NHEJ1: variants seen among roughly 807,000 people sequenced by gnomAD.
The protein encoded by NHEJ1 is non-homologous end-joining factor 1.
In NHEJ1, 22 loss-of-function variants were observed where a neutral mutation model predicts 39.4. The observed-to-expected ratio is 0.56, with a 90% CI of 0.40 to 0.80. The LOEUF (loss-of-function observed/expected upper bound fraction) is 0.80, where lower values mean the gene tolerates loss of function less well. NHEJ1 is among the 30% of genes least tolerant of loss of function. The probability of loss-of-function intolerance (pLI) is 0.00; values close to 1 mark genes in which losing one functional copy is unlikely to be tolerated. For missense variants in NHEJ1, 329 were observed against 357.1 expected (o/e 0.92, Z 0.63); for synonymous variants, 154 against 135.6 (o/e 1.14, Z -0.94).
intron 5 of NHEJ1, among the ~76,000 whole-genome samples, chr2:219,138,463 C>T (rs938860072): frequency 1.3e-5 from 2 of 152,188 alleles, no homozygotes; most frequent in African/African-American, 2.4e-5. Flanking sequence ...TGATTATTTG[C>T]TGGCCTATTC....
At chr2:219,123,709 G>A (rs138993446) in intron 5 of NHEJ1, among the ~76,000 whole-genome samples, 21 of 151,772 alleles carry the variant, frequency 1.4e-4, no homozygotes, top group African/African-American at 4.8e-4. Flanking sequence ...TACTCCTCTA[G>A]CCTGATCCTA....
chr2:219,094,151 A>C (rs1559189193), intron 5 of NHEJ1, among the ~76,000 whole-genome samples: 1 of 152,168 alleles, frequency 6.6e-6, no homozygotes, highest in Non-Finnish European at 1.5e-5. Context: ...TGCCTAACCC[A>C]TGGCTGGGGT....
At chr2:219,108,923 A>T (rs1157197284) in intron 5 of NHEJ1, among the ~76,000 whole-genome samples, 1 of 152,232 alleles carries the variant, frequency 6.6e-6, no homozygotes, top group East Asian at 1.9e-4. Flanking sequence ...ACCATGGGCC[A>T]CATTCCCCTG....
At chr2:219,134,857 G>A (rs1298398372) in intron 5 of NHEJ1, among the ~76,000 whole-genome samples, 3 of 151,820 alleles carry the variant, frequency 2.0e-5, no homozygotes. Context: ...GGCCAACATG[G>A]TGAAACCCCG....
At chr2:219,138,658 C>T (rs889048299) in intron 5 of NHEJ1, among the ~76,000 whole-genome samples, 1 of 152,048 alleles carries the variant, frequency 6.6e-6, no homozygotes, top group African/African-American at 2.4e-5. Flanking sequence ...AGACCATAAA[C>T]AGTAAGTATA....
At position 219,078,083 on chromosome 2, in the gene NHEJ1, G is replaced by A. The variant is rs372354085; in HGVS notation, c.706+6C>T. On this transcript the variant is annotated splice_donor_region_variant and intron_variant, in intron 6 of 7. Coordinates refer to ENST00000356853, the MANE Select transcript of NHEJ1 (RefSeq NM_024782.3). ...CACACAGACCGGGTACCTCTGGAGG[G>A]CTCACCAGCGCCTTGATGCTTCTGT... 4.4e-6 allele frequency: 7 copies of A among 1,603,784 alleles called. No individual in the cohort carries two copies. The African/African-American group carries it at 8.0e-5, about 18-fold the overall frequency.
chr2:219,146,694 G>T lies in NHEJ1; in HGVS notation c.574C>A (p.Gln192Lys). The T allele has an allele frequency of 6.2e-7, 1 of 1,610,888 alleles. No homozygotes were observed. Among genetic ancestry groups the T allele is most frequent in the Non-Finnish European group, 8.5e-7 (1 of 1,177,046 alleles). The change falls in exon 5 of 8, where the codon CAA becomes AAA. Residue 192 changes from glutamine to lysine, a missense_variant. Transcript: ENST00000356853. ...AAATACCTTACCTCTATCATAAATT[G>T]TTCCAAGAAGGAATTTTCTTCAAAT... ...EPFEENSFLE[Q>K]FMIEKLPEAC...
At chr2:219,126,928 CTG>C (rs1392530074) in intron 5 of NHEJ1, among the ~76,000 whole-genome samples, 3 of 152,192 alleles carry the variant, frequency 2.0e-5, no homozygotes, top group Non-Finnish European at 4.4e-5. Flanking sequence ...TAGCAGTTCA[CTG>C]TGGCAGAAGT....
chr2:219,105,324 G>A (rs1457390385), intron 5 of NHEJ1, among the ~76,000 whole-genome samples: 1 of 152,084 alleles, frequency 6.6e-6, no homozygotes, highest in African/African-American at 2.4e-5. Context: ...AGATGTAGGT[G>A]GCACCAGATT....
At chr2:219,094,172 G>A (rs1057166140) in intron 5 of NHEJ1, among the ~76,000 whole-genome samples, 4 of 152,138 alleles carry the variant, frequency 2.6e-5, no homozygotes, top group African/African-American at 9.7e-5. Flanking sequence ...GGTGATGGAG[G>A]GATCTGATCT....
Position 219,072,900 on chromosome 2 carries a change from GC to G in NHEJ1, c.*3480del, listed in dbSNP as rs1948974833. On this transcript the variant is annotated 3_prime_UTR_variant, in exon 8 of 8. Coordinates refer to ENST00000356853, the MANE Select transcript of NHEJ1 (RefSeq NM_024782.3). ...GAACGAAACCAGGAGGAGCAGCACA[GC>G]CTTTTCCATTCCCCACTCCTCCCGC... Among the ~76,000 whole-genome samples, 2 of 152,196 alleles carry G rather than the reference GC, an allele frequency of 1.3e-5. No homozygotes were observed. The highest frequency in any genetic ancestry group is 4.8e-5 in the African/African-American group (2 of 41,452).
chr2:219,070,931 C>T lies in NHEJ1; in HGVS notation c.*5450G>A, dbSNP rs567757683. Among the ~76,000 whole-genome samples, 2 of 152,308 alleles carry T rather than the reference C, an allele frequency of 1.3e-5. No homozygotes were observed. Among genetic ancestry groups the T allele is most frequent in the African/African-American group, 4.8e-5 (2 of 41,568 alleles). On this transcript the variant is annotated 3_prime_UTR_variant, in exon 8 of 8. Coordinates refer to ENST00000356853, the MANE Select transcript of NHEJ1 (RefSeq NM_024782.3). ...CTATGAAACAAAATCTAAATTATTA[C>T]CAGCTCTGCCTTCCACAACTAGTGC...
intron 5 of NHEJ1, chr2:219,124,813 C>T (rs1243710049): frequency 6.6e-6 from 1 of 151,990 alleles, no homozygotes; most frequent in African/African-American, 2.4e-5. Flanking sequence ...ATAAACAGAA[C>T]AAATATAGTG....
At chr2:219,136,082 T>C (rs947688521) in intron 5 of NHEJ1, among the ~76,000 whole-genome samples, 13 of 152,200 alleles carry the variant, frequency 8.5e-5, no homozygotes, top group Non-Finnish European at 1.5e-4. Context: ...GTTTATGTAA[T>C]ATGACTGGCC....
chr2:219,086,014 G>C (rs975926346), intron 5 of NHEJ1, among the ~76,000 whole-genome samples: 4 of 152,146 alleles, frequency 2.6e-5, no homozygotes, highest in African/African-American at 9.7e-5. Flanking sequence ...GGTCAGAAGA[G>C]GAGGGAGATG....
At chr2:219,076,935 A>G (rs1033815111) in intron 7 of NHEJ1, among the ~76,000 whole-genome samples, 2 of 152,158 alleles carry the variant, frequency 1.3e-5, no homozygotes, top group Admixed American at 1.3e-4. Context: ...GGAGATGTAG[A>G]TTCCCTTCTC....
chr2:219,122,597 G>A (rs1365049429), intron 5 of NHEJ1, among the ~76,000 whole-genome samples: 19 of 152,110 alleles, frequency 1.2e-4, no homozygotes. Flanking sequence ...GACCAGTTTA[G>A]GATATTGGCA....
chr2:219,090,926 A>G (rs1949154647), intron 5 of NHEJ1, among the ~76,000 whole-genome samples: 1 of 152,150 alleles, frequency 6.6e-6, no homozygotes. Context: ...ACAGCACTCT[A>G]TTCATTTTCC....
At chr2:219,118,476 T>C (rs904336726) in intron 5 of NHEJ1, among the ~76,000 whole-genome samples, 1 of 148,296 alleles carries the variant, frequency 6.7e-6, no homozygotes, top group South Asian at 2.1e-4. Flanking sequence ...AGTGGGAAGA[T>C]GGAGGGGGAG....
Sources: gnomAD v4.1 joint callset for allele counts (sites outside exome capture counted in the v4.1 genomes callset) on GRCh38, gnomAD v4.1.1 for gene constraint, MANE v1.5 for transcripts, NCBI Gene and HGNC (gene_info 2026-07-23, HGNC 2026-07-21) for gene names.